Variants in CNTNAP2 observed in about 807,000 individuals in gnomAD.
The protein encoded by CNTNAP2 is contactin associated protein 2.
A neutral mutation model predicts 155.2 loss-of-function variants in CNTNAP2; 98 were observed. The ratio of observed to expected loss-of-function variants is 0.63; its 90% CI spans 0.54 to 0.75. The LOEUF is 0.75. CNTNAP2 is among the 30% of genes least tolerant of loss of function. CNTNAP2 has a pLI of 0.00. For synonymous variants in CNTNAP2, 651 were observed against 631.2 expected (o/e 1.03, Z -0.47); for missense variants, 1,727 against 1,688.1 (o/e 1.02, Z -0.40).
intron 4 of CNTNAP2, among the ~76,000 whole-genome samples, chr7:147,101,194 T>G (rs1285117488): frequency 6.6e-6 from 1 of 152,166 alleles, no homozygotes; most frequent in Non-Finnish European, 1.5e-5. Flanking sequence ...GCTATATCAT[T>G]GAGGGTGGTA....
intron 8 of CNTNAP2, chr7:147,167,590 G>T: frequency 1.3e-6 from 1 of 763,664 alleles, no homozygotes; most frequent in Non-Finnish European, 2.1e-6. Flanking sequence ...GAATGAAGCT[G>T]GAGCCCAGCA....
rs189240447 is a variant in CNTNAP2 at position 146,247,174 on chromosome 7, G to A, written c.97+130201G>A. Among the ~76,000 whole-genome samples the A allele has an allele frequency of 1.8e-4, 28 of 152,270 alleles. No individual in the cohort carries two copies. The East Asian group carries it at 4.1e-3, about 22-fold the overall frequency. ...GTTGCTGCCAAACGAGCCATGAACT[G>A]GGCTGGATTTTTCATATTTGATGAA... On this transcript the variant is annotated intron_variant, in intron 1 of 23. Transcript: ENST00000361727.
chr7:146,504,540 CAGA>C, intron 1 of CNTNAP2, among the ~76,000 whole-genome samples: 2 of 152,318 alleles, frequency 1.3e-5, no homozygotes, highest in East Asian at 3.9e-4. Flanking sequence ...CATCTGTCAA[CAGA>C]AGGAGGACAA....
chr7:147,669,834 T>C (rs1453937398), intron 13 of CNTNAP2, among the ~76,000 whole-genome samples: 1 of 152,198 alleles, frequency 6.6e-6, no homozygotes, highest in African/African-American at 2.4e-5. Flanking sequence ...GACTCCCCCC[T>C]AATATTTATT....
At chr7:148,312,245 G>A (rs545062844) in intron 21 of CNTNAP2, among the ~76,000 whole-genome samples, 71 of 152,168 alleles carry the variant, frequency 4.7e-4, no homozygotes, top group Non-Finnish European at 8.5e-4. Context: ...CACTAACCAT[G>A]CCTAGGAAGG....
At chr7:147,227,314 T>C (rs1021713600) in intron 8 of CNTNAP2, among the ~76,000 whole-genome samples, 2 of 151,878 alleles carry the variant, frequency 1.3e-5, no homozygotes, top group African/African-American at 2.4e-5. Context: ...ATATCTAGAC[T>C]CTTGTAAGCT....
At chr7:148,316,953 T>C (rs1797700626) in intron 21 of CNTNAP2, among the ~76,000 whole-genome samples, 2 of 152,240 alleles carry the variant, frequency 1.3e-5, no homozygotes, top group South Asian at 4.1e-4. Flanking sequence ...GCAATCTGTA[T>C]TTTTTCTGAA....
intron 10 of CNTNAP2, among the ~76,000 whole-genome samples, chr7:147,416,599 G>A (rs573592333): frequency 1.4e-4 from 22 of 152,222 alleles, no homozygotes; most frequent in Middle Eastern, 3.4e-3. Context: ...AAGGAAATTC[G>A]TTGGCTCGAT....
At chr7:146,689,182 G>T (rs1283075283) in intron 1 of CNTNAP2, among the ~76,000 whole-genome samples, 1 of 151,810 alleles carries the variant, frequency 6.6e-6, no homozygotes, top group Non-Finnish European at 1.5e-5. Context: ...AAGGTTACTC[G>T]GGTAACCTTG....
intron 19 of CNTNAP2, among the ~76,000 whole-genome samples, chr7:148,221,591 G>A (rs1563000300): frequency 6.6e-6 from 1 of 151,864 alleles, no homozygotes; most frequent in Non-Finnish European, 1.5e-5. Flanking sequence ...TTTAAAGTTA[G>A]AAAAAAAAGG....
At chr7:147,083,827 T>C (rs1042627787) in intron 4 of CNTNAP2, among the ~76,000 whole-genome samples, 9 of 141,634 alleles carry the variant, frequency 6.4e-5, no homozygotes, top group African/African-American at 2.3e-4. Flanking sequence ...TATATACATA[T>C]ACACATGTAT....
At chr7:147,587,231 C>T (rs903940014) in intron 12 of CNTNAP2, among the ~76,000 whole-genome samples, 5 of 152,146 alleles carry the variant, frequency 3.3e-5, no homozygotes, top group African/African-American at 1.2e-4. Flanking sequence ...GTGAATAAGA[C>T]ATTCATAAAA....
intron 1 of CNTNAP2, among the ~76,000 whole-genome samples, chr7:146,662,282 C>T (rs930839034): frequency 2.0e-5 from 3 of 152,050 alleles, no homozygotes; most frequent in Non-Finnish European, 2.9e-5. Context: ...GAATTATAGG[C>T]GCCCGCCACC....
chr7:146,294,329 G>T (rs1019194974), intron 1 of CNTNAP2, among the ~76,000 whole-genome samples: 1 of 152,144 alleles, frequency 6.6e-6, no homozygotes, highest in African/African-American at 2.4e-5. Flanking sequence ...CTGCGCAAAG[G>T]ACTGATGAGA....
chr7:146,365,357 A>T (rs1238469441), intron 1 of CNTNAP2, among the ~76,000 whole-genome samples: 2 of 152,170 alleles, frequency 1.3e-5, no homozygotes, highest in African/African-American at 2.4e-5. Flanking sequence ...TAATAATAAA[A>T]CTTGTTTTGG....
intron 1 of CNTNAP2, among the ~76,000 whole-genome samples, chr7:146,163,485 A>G (rs1321434944): frequency 1.5e-5 from 2 of 137,450 alleles, no homozygotes; most frequent in East Asian, 2.1e-4. Context: ...ATATATATCT[A>G]TCTATATCTA....
At chr7:147,001,846 T>A (rs1045591896) in intron 3 of CNTNAP2, among the ~76,000 whole-genome samples, 9 of 151,134 alleles carry the variant, frequency 6.0e-5, no homozygotes, top group Non-Finnish European at 1.2e-4. Context: ...TAAATAGAAA[T>A]TGTACAGGGG....
chr7:147,434,199 C>T (rs1457200870), intron 10 of CNTNAP2, among the ~76,000 whole-genome samples: 2 of 152,128 alleles, frequency 1.3e-5, no homozygotes, highest in Non-Finnish European at 2.9e-5. Context: ...GTATTCTGTA[C>T]CACAATTGCT....
At chr7:148,232,723 A>C (rs1795985225) in intron 20 of CNTNAP2, among the ~76,000 whole-genome samples, 1 of 152,256 alleles carries the variant, frequency 6.6e-6, no homozygotes, top group Admixed American at 6.5e-5. Context: ...CTTTGGAATT[A>C]AGGTGAATGT....
Sources: allele counts gnomAD v4.1 joint callset (sites outside exome capture counted in the v4.1 genomes callset), GRCh38; gene constraint gnomAD v4.1.1; transcripts MANE v1.5; gene names NCBI Gene and HGNC (gene_info 2026-07-23, HGNC 2026-07-21).